Variants in STX8 observed in about 807,000 individuals in gnomAD.
The protein encoded by STX8 is syntaxin 8.
A neutral mutation model predicts 37.5 loss-of-function variants in STX8; 23 were observed. The observed-to-expected ratio is 0.61, with a 90% CI of 0.44 to 0.87. The LOEUF (loss-of-function observed/expected upper bound fraction) is 0.87, where lower values mean the gene tolerates loss of function less well. STX8 is among the 40% of genes least tolerant of loss of function. The probability of loss-of-function intolerance (pLI) is 0.00; values close to 1 mark genes in which losing one functional copy is unlikely to be tolerated. For missense variants in STX8, 313 were observed against 284.7 expected, an observed-to-expected ratio of 1.10 and a Z score of -0.71; for synonymous variants, 115 against 99.1, an observed-to-expected ratio of 1.16 and a Z score of -0.95.
chr17:9,314,429 A>T (rs554697925), intron 7 of STX8, among the ~76,000 whole-genome samples: 174 of 151,702 alleles, frequency 1.1e-3, no homozygotes, highest in South Asian at 4.8e-3. Flanking sequence ...ACGGAGTCTC[A>T]CTCTCTCTCC....
chr17:9,391,541 A>G (rs533148802), intron 6 of STX8, among the ~76,000 whole-genome samples: 78 of 152,292 alleles, frequency 5.1e-4, no homozygotes, highest in African/African-American at 1.8e-3. Flanking sequence ...GCAACAAAAA[A>G]GCAAAACAAA....
At position 9,270,622 on chromosome 17, in the gene STX8, C is replaced by T. The variant is rs571129681; in HGVS notation, c.644-19977G>A. On this transcript the variant is annotated intron_variant, in intron 7 of 7. Transcript: ENST00000306357. ...CCAGCAGCTAGAACAGTACTTGGCA[C>T]ATAGTAAGTGCTCAGTAAATATGTG... 7.2e-5 allele frequency among the ~76,000 whole-genome samples: 11 copies of T among 152,176 alleles called. No individual in the cohort carries two copies. In the South Asian group the frequency reaches 2.3e-3, roughly 32 times the overall value.
chr17:9,468,502 C>T (rs1905711927), intron 6 of STX8, among the ~76,000 whole-genome samples: 1 of 152,230 alleles, frequency 6.6e-6, no homozygotes, highest in African/African-American at 2.4e-5. Flanking sequence ...CTAGTTAACT[C>T]AGTCCCCATC....
At chr17:9,379,584 C>T (rs927016340) in intron 6 of STX8, among the ~76,000 whole-genome samples, 2 of 152,166 alleles carry the variant, frequency 1.3e-5, no homozygotes, top group Middle Eastern at 3.2e-3. Context: ...GTTAATCATA[C>T]AGAAACTTGT....
chr17:9,407,752 T>C (rs1010377877), intron 6 of STX8, among the ~76,000 whole-genome samples: 3 of 152,202 alleles, frequency 2.0e-5, no homozygotes, highest in African/African-American at 7.2e-5. Context: ...TTGGTTGAGT[T>C]TGTCTAAAGA....
rs944366296 is a variant in STX8 at position 9,471,514 on chromosome 17, A to G, written c.541+20315T>C. 1.6e-4 allele frequency among the ~76,000 whole-genome samples: 24 copies of G among 151,726 alleles called. 1 individual carries two copies. Among genetic ancestry groups the G allele is most frequent in the African/African-American group, 5.1e-4 (21 of 41,342 alleles). ...GGCCCTTCCCTGGCTGGCATCCTGG[A>G]GCTTGGATTTTGGGAAGGACCCGCC... On this transcript the variant is annotated intron_variant, in intron 6 of 7. Transcript: ENST00000306357.
chr17:9,569,192 C>T (rs1907584110), intron 1 of STX8, among the ~76,000 whole-genome samples: 1 of 152,180 alleles, frequency 6.6e-6, no homozygotes, highest in South Asian at 2.1e-4. Flanking sequence ...GTTCTGGGCA[C>T]TGGAGAAGAC....
At chr17:9,285,219 C>T (rs1908031668) in intron 7 of STX8, among the ~76,000 whole-genome samples, 2 of 152,078 alleles carry the variant, frequency 1.3e-5, no homozygotes, top group African/African-American at 2.4e-5. Context: ...TTCCCAGGCC[C>T]CAAGGCTCAG....
At chr17:9,334,534 G>A (rs1226247632) in intron 7 of STX8, among the ~76,000 whole-genome samples, 1 of 152,086 alleles carries the variant, frequency 6.6e-6, no homozygotes, top group East Asian at 1.9e-4. Flanking sequence ...CACTGTCTCA[G>A]TCATAATTTT....
intron 6 of STX8, among the ~76,000 whole-genome samples, chr17:9,448,462 G>A (rs766310682): frequency 3.9e-5 from 6 of 152,186 alleles, no homozygotes; most frequent in Non-Finnish European, 5.9e-5. Context: ...TGCTTGTTGT[G>A]ATTCTGCCGT....
chr17:9,271,041 G>A (rs1175939277), intron 7 of STX8, among the ~76,000 whole-genome samples: 1 of 152,138 alleles, frequency 6.6e-6, no homozygotes, highest in Admixed American at 6.5e-5. Flanking sequence ...CCTCTATTGG[G>A]AGACATTCTC....
chr17:9,506,485 G>C (rs2086274484), intron 4 of STX8, among the ~76,000 whole-genome samples: 2 of 137,952 alleles, frequency 1.4e-5, no homozygotes, highest in Non-Finnish European at 3.0e-5. Context: ...TTCAGTGTGG[G>C]AAAGTGCTGA....
intron 1 of STX8, among the ~76,000 whole-genome samples, chr17:9,575,194 C>T (rs1300340260): frequency 1.3e-5 from 2 of 152,198 alleles, no homozygotes; most frequent in Non-Finnish European, 2.9e-5. Context: ...TGTTTTACTG[C>T]AGAAGCTACT....
intron 6 of STX8, among the ~76,000 whole-genome samples, chr17:9,427,538 T>C (rs1341611667): frequency 2.6e-5 from 4 of 152,230 alleles, no homozygotes; most frequent in Non-Finnish European, 4.4e-5. Flanking sequence ...TAAATCCCTC[T>C]GTAACTCTGT....
At chr17:9,278,543 A>G (rs79277889) in intron 7 of STX8, among the ~76,000 whole-genome samples, 4,354 of 152,252 alleles carry the variant, frequency 0.029, 189 homozygotes, top group African/African-American at 0.098. Flanking sequence ...GGAGGAAACA[A>G]AATTTCTACC....
chr17:9,510,369 T>A (rs539280244), intron 4 of STX8, among the ~76,000 whole-genome samples: 1 of 152,280 alleles, frequency 6.6e-6, no homozygotes, highest in African/African-American at 2.4e-5. Context: ...ACTGACCATA[T>A]GTTAGGACAC....
At chr17:9,256,460 A>C (rs1333652295) in intron 7 of STX8, among the ~76,000 whole-genome samples, 1 of 152,170 alleles carries the variant, frequency 6.6e-6, no homozygotes, top group Non-Finnish European at 1.5e-5. Flanking sequence ...AAGCAGACCG[A>C]AGGGCACGCA....
chr17:9,265,955 G>A (rs1328214194), intron 7 of STX8, among the ~76,000 whole-genome samples: 1 of 152,114 alleles, frequency 6.6e-6, no homozygotes, highest in East Asian at 1.9e-4. Context: ...TGGCTGAAAG[G>A]CACACACCCC....
At chr17:9,531,026 A>G (rs546198873) in intron 4 of STX8, among the ~76,000 whole-genome samples, 2 of 152,184 alleles carry the variant, frequency 1.3e-5, no homozygotes, top group Middle Eastern at 3.2e-3. Context: ...ATTTTTTTCC[A>G]TGTGGATATC....
Sources: allele counts gnomAD v4.1 joint callset (sites outside exome capture counted in the v4.1 genomes callset), GRCh38; gene constraint gnomAD v4.1.1; transcripts MANE v1.5; gene names NCBI Gene and HGNC (gene_info 2026-07-23, HGNC 2026-07-21).